The following GADL1 variants were observed in gnomAD, a reference collection of about 807,000 sequenced individuals.
GADL1 encodes GAD like acidic amino acid decarboxylase 1.
A neutral mutation model predicts 69.5 loss-of-function variants in GADL1; 71 were observed. The ratio of observed to expected loss-of-function variants is 1.02; its 90% CI spans 0.84 to 1.25. The LOEUF (loss-of-function observed/expected upper bound fraction) is 1.25, where lower values mean the gene tolerates loss of function less well. Ranked by LOEUF, GADL1 falls within the 50% of genes most tolerant of loss-of-function variation. The probability of loss-of-function intolerance (pLI) is 0.00; values close to 1 mark genes in which losing one functional copy is unlikely to be tolerated. For missense variants in GADL1, 737 were observed against 631.8 expected, an observed-to-expected ratio of 1.17 and a Z score of -1.79; for synonymous variants, 254 against 214.4, an observed-to-expected ratio of 1.18 and a Z score of -1.62.
intron 1 of GADL1, among the ~76,000 whole-genome samples, chr3:30,877,946 A>G (rs1698599593): frequency 2.0e-5 from 3 of 151,956 alleles, no homozygotes; most frequent in Admixed American, 2.0e-4. Context: ...TGCTGAAATT[A>G]TTAGCACTAC....
chr3:30,817,872 G>T (rs1425538502), intron 11 of GADL1, among the ~76,000 whole-genome samples: 1 of 152,220 alleles, frequency 6.6e-6, no homozygotes. Flanking sequence ...ATAATGAAAT[G>T]TACTGGGAAG....
At chr3:30,776,920 C>T (rs1183374581) in intron 14 of GADL1, among the ~76,000 whole-genome samples, 6 of 152,164 alleles carry the variant, frequency 3.9e-5, no homozygotes, top group African/African-American at 1.4e-4. Flanking sequence ...GAATCTGCTT[C>T]TTTAAAATTG....
intron 14 of GADL1, among the ~76,000 whole-genome samples, chr3:30,751,838 A>T (rs1319356225): frequency 6.6e-6 from 1 of 152,212 alleles, no homozygotes; most frequent in African/African-American, 2.4e-5. Flanking sequence ...GTCTCTGACT[A>T]AACACAGAAG....
intron 12 of GADL1, among the ~76,000 whole-genome samples, chr3:30,797,231 T>C (rs1697052151): frequency 6.6e-6 from 1 of 152,202 alleles, no homozygotes; most frequent in African/African-American, 2.4e-5. Flanking sequence ...GCTGCTGTGA[T>C]ATGATATAAA....
In GADL1 at chr3:30,782,736, C is replaced by T. The variant is rs554374477; in HGVS notation, c.1302+3619G>A. On this transcript the variant is annotated intron_variant, in intron 13 of 14. Transcript: ENST00000282538. ...TTAAGGGAGTGCCCTGATGAAAAGT[C>T]CCTTACATGGAGACTGAAAAGAACA... 4.6e-5 allele frequency among the ~76,000 whole-genome samples: 7 copies of T among 152,120 alleles called. No individual in the cohort carries two copies. The East Asian group carries it at 1.4e-3, about 29-fold the overall frequency.
At chr3:30,794,155 T>C (rs1374820427) in intron 12 of GADL1, among the ~76,000 whole-genome samples, 1 of 152,192 alleles carries the variant, frequency 6.6e-6, no homozygotes, top group African/African-American at 2.4e-5. Flanking sequence ...TCCATACTGA[T>C]AACAATACAC....
intron 14 of GADL1, among the ~76,000 whole-genome samples, chr3:30,757,716 C>T (rs1392394881): frequency 6.6e-6 from 1 of 152,136 alleles, no homozygotes; most frequent in Admixed American, 6.5e-5. Flanking sequence ...TTCACAAAAT[C>T]ACAAGAATTT....
chr3:30,884,563 T>C (rs1698679851), intron 1 of GADL1, among the ~76,000 whole-genome samples: 1 of 152,080 alleles, frequency 6.6e-6, no homozygotes, highest in Admixed American at 6.6e-5. Flanking sequence ...CCTACACTTA[T>C]TTTTCTATCA....
At chr3:30,769,938 T>TTAC (rs1696380253) in intron 14 of GADL1, among the ~76,000 whole-genome samples, 1 of 44,518 alleles carries the variant, frequency 2.2e-5, no homozygotes, top group African/African-American at 2.3e-4. Context: ...CGAATTTAGG[T>TTAC]AAGATATTAC....
At chr3:30,764,217 TTC>T (rs1575191930) in intron 14 of GADL1, among the ~76,000 whole-genome samples, 1 of 113,838 alleles carries the variant, frequency 8.8e-6, no homozygotes, top group South Asian at 2.7e-4. Flanking sequence ...TGAAGAAAAA[TTC>T]TCTTAAGAGA....
chr3:30,767,899 TATAA>T (rs573921232), intron 14 of GADL1, among the ~76,000 whole-genome samples: 36 of 152,110 alleles, frequency 2.4e-4, no homozygotes, highest in Middle Eastern at 3.4e-3. Context: ...GATCTCAAAA[TATAA>T]ATACTTAAAA....
intron 11 of GADL1, among the ~76,000 whole-genome samples, chr3:30,818,291 T>G (rs1407663418): frequency 6.6e-6 from 1 of 152,214 alleles, no homozygotes; most frequent in African/African-American, 2.4e-5. Context: ...TCGTGAGAAC[T>G]TAAAAGCAAA....
At chr3:30,821,335 TAAAG>T (rs147801375) in intron 11 of GADL1, among the ~76,000 whole-genome samples, 8,508 of 150,936 alleles carry the variant, frequency 0.056, 563 homozygotes, top group South Asian at 0.15. Flanking sequence ...ATAATAATAA[TAAAG>T]AAAAAAAGAA....
At chr3:30,856,633 A>G (rs1000376433) in intron 3 of GADL1, among the ~76,000 whole-genome samples, 2 of 151,976 alleles carry the variant, frequency 1.3e-5, no homozygotes, top group Non-Finnish European at 2.9e-5. Context: ...TTTTTTGCAT[A>G]CTCTGGGCCA....
chr3:30,771,720 A>G lies in GADL1; in HGVS notation c.1392+6459T>C, dbSNP rs78217441. Among the ~76,000 whole-genome samples the G allele has an allele frequency of 0.016, 2,385 of 152,316 alleles. 170 individuals carry two copies. In the East Asian group the frequency reaches 0.24, roughly 15 times the overall value. On this transcript the variant is annotated intron_variant, in intron 14 of 14. Coordinates refer to ENST00000282538, the MANE Select transcript of GADL1 (RefSeq NM_207359.3). ...AAAGACACAGGTGCTTTTAGTTCAC[A>G]GTCCAAAAATGAGTGACTGAATATA...
chr3:30,834,644 A>G (rs756980288), intron 9 of GADL1, among the ~76,000 whole-genome samples: 2 of 152,112 alleles, frequency 1.3e-5, no homozygotes, highest in Non-Finnish European at 2.9e-5. Context: ...TCAGTGTATG[A>G]TGAGACATGG....
At chr3:30,751,492 G>A (rs188827959) in intron 14 of GADL1, among the ~76,000 whole-genome samples, 1 of 150,662 alleles carries the variant, frequency 6.6e-6, no homozygotes, top group African/African-American at 2.4e-5. Context: ...TGGGTAACTA[G>A]AACCTGGGCA....
At chr3:30,733,014 C>T (rs993150404) in intron 14 of GADL1, among the ~76,000 whole-genome samples, 2 of 151,870 alleles carry the variant, frequency 1.3e-5, no homozygotes, top group African/African-American at 2.4e-5. Flanking sequence ...CATTCCAACC[C>T]GGGTGATGGA....
chr3:30,770,055 G>GCCTGCATT (rs1213430546), intron 14 of GADL1, among the ~76,000 whole-genome samples: 4 of 140,842 alleles, frequency 2.8e-5, no homozygotes, highest in Non-Finnish European at 6.2e-5. Context: ...GGCAACCCTG[G>GCCTGCATT]CCTGCATTCC....
Sources: gnomAD v4.1 joint callset for allele counts (sites outside exome capture counted in the v4.1 genomes callset) on GRCh38, gnomAD v4.1.1 for gene constraint, MANE v1.5 for transcripts, NCBI Gene and HGNC (gene_info 2026-07-23, HGNC 2026-07-21) for gene names.